Variants in TBC1D5 observed in about 807,000 individuals in gnomAD.
The protein encoded by TBC1D5 is TBC1 domain family, member 5.
In TBC1D5, 75 loss-of-function variants were observed where a neutral mutation model predicts 100.3. The observed-to-expected ratio is 0.75, with a 90% CI of 0.62 to 0.91. The LOEUF is 0.91. Among genes scored for constraint, TBC1D5 ranks in the 40% least tolerant of loss-of-function variants. The pLI, the probability that TBC1D5 is intolerant of heterozygous loss-of-function variation, is 0.00. For synonymous variants in TBC1D5, 323 were observed against 325.6 expected (o/e 0.99, Z 0.09); for missense variants, 910 against 942.4 (o/e 0.97, Z 0.45).
intron 1 of TBC1D5, among the ~76,000 whole-genome samples, chr3:17,668,601 T>C (rs978866488): frequency 4.6e-5 from 7 of 152,174 alleles, no homozygotes; most frequent in Non-Finnish European, 2.9e-5. Context: ...TTGATAAAGC[T>C]AGAAGGGAGG....
At chr3:17,679,907 G>A (rs1387671366) in intron 1 of TBC1D5, among the ~76,000 whole-genome samples, 1 of 151,256 alleles carries the variant, frequency 6.6e-6, no homozygotes, top group Non-Finnish European at 1.5e-5. Context: ...AGCATATCTG[G>A]TCCCCATCCA....
intron 3 of TBC1D5, among the ~76,000 whole-genome samples, chr3:17,430,984 C>A (rs1402733853): frequency 2.6e-5 from 4 of 151,954 alleles, no homozygotes; most frequent in Admixed American, 2.6e-4. Flanking sequence ...ATATCTGTAA[C>A]ACCAGAAAAC....
intron 17 of TBC1D5, among the ~76,000 whole-genome samples, chr3:17,229,358 T>C (rs1011112087): frequency 3.3e-5 from 5 of 151,942 alleles, no homozygotes; most frequent in African/African-American, 1.2e-4. Context: ...GTCACAAGAG[T>C]GAACAGACAC....
At chr3:17,274,134 A>C (rs1004705447) in intron 15 of TBC1D5, among the ~76,000 whole-genome samples, 1 of 152,220 alleles carries the variant, frequency 6.6e-6, no homozygotes, top group Admixed American at 6.5e-5. Context: ...GGTAAAAAAT[A>C]ATACGAACTT....
exon 17 of TBC1D5, chr3:17,238,259 T>C (rs1447884004): frequency 6.2e-7 from 1 of 1,614,086 alleles, no homozygotes; most frequent in East Asian, 2.2e-5. Context: ...GCTGAGGTCC[T>C]GGTAGGAATT....
At chr3:17,249,995 A>C (rs1442872167) in intron 16 of TBC1D5, among the ~76,000 whole-genome samples, 2 of 152,246 alleles carry the variant, frequency 1.3e-5, no homozygotes, top group Admixed American at 1.3e-4. Context: ...TGACAGAGAC[A>C]AAGTGAGCAC....
chr3:17,443,492 T>C (rs948065195), intron 3 of TBC1D5, among the ~76,000 whole-genome samples: 5 of 152,216 alleles, frequency 3.3e-5, no homozygotes, highest in African/African-American at 9.6e-5. Flanking sequence ...CCACTTTTGG[T>C]TTCCTTTTTC....
In TBC1D5 at chr3:17,469,446, T is replaced by C. The variant is rs191732913; in HGVS notation, c.97+39028A>G. 4.2e-3 allele frequency among the ~76,000 whole-genome samples: 638 copies of C among 152,276 alleles called. 12 individuals are homozygous for C. The highest frequency in any genetic ancestry group is 2.4e-3 in the Non-Finnish European group (164 of 68,002). ...GCCACTCATTCACATGTTCCACCAT[T>C]TACTTTATGAGGGCCGTCCAGCCTG... On this transcript the variant is annotated intron_variant, in intron 3 of 21. Coordinates refer to ENST00000253692, the Ensembl canonical transcript of TBC1D5.
chr3:17,192,889 G>A lies in TBC1D5; in HGVS notation c.1753-7681C>T, dbSNP rs145325038. ...TACCAGGGAACACTGGATTTGTCCC[G>A]ACAGGATGGGTTTTCATAACAATCA... On this transcript the variant is annotated intron_variant, in intron 18 of 21. Transcript: ENST00000253692. 9.1e-3 allele frequency among the ~76,000 whole-genome samples: 1,386 copies of A among 152,300 alleles called. 10 individuals are homozygous for A. Among genetic ancestry groups the A allele is most frequent in the Middle Eastern group, 0.034 (10 of 294 alleles).
chr3:17,179,198 G>A (rs1205659558), intron 19 of TBC1D5, among the ~76,000 whole-genome samples: 2 of 152,152 alleles, frequency 1.3e-5, no homozygotes, highest in Non-Finnish European at 1.5e-5. Flanking sequence ...AATAAAAAGC[G>A]TATTTAAAAT....
At chr3:17,227,162 G>C (rs2074980156) in intron 17 of TBC1D5, among the ~76,000 whole-genome samples, 1 of 152,130 alleles carries the variant, frequency 6.6e-6, no homozygotes, top group Non-Finnish European at 1.5e-5. Context: ...CGCAAAAGGG[G>C]GAGTGTCCAA....
chr3:17,450,141 C>T (rs920236911), intron 3 of TBC1D5, among the ~76,000 whole-genome samples: 1 of 152,112 alleles, frequency 6.6e-6, no homozygotes, highest in African/African-American at 2.4e-5. Context: ...AGAAGAGGGG[C>T]CTGACTGTTA....
chr3:17,451,796 G>A (rs752481893), intron 3 of TBC1D5, among the ~76,000 whole-genome samples: 18 of 152,224 alleles, frequency 1.2e-4, no homozygotes, highest in South Asian at 2.1e-4. Flanking sequence ...GGTGGTGGGC[G>A]CCTGTAATCC....
chr3:17,344,356 C>G (rs2089530520), intron 13 of TBC1D5, among the ~76,000 whole-genome samples: 2 of 152,150 alleles, frequency 1.3e-5, no homozygotes, highest in African/African-American at 4.8e-5. Context: ...ATCCCACTTA[C>G]AAGGGATGTG....
chr3:17,703,212 C>T (rs533375685), intron 1 of TBC1D5, among the ~76,000 whole-genome samples: 2 of 151,688 alleles, frequency 1.3e-5, no homozygotes, highest in African/African-American at 2.4e-5. Flanking sequence ...TTCCATAGTG[C>T]CTTCTGAGTT....
At chr3:17,375,670 G>C (rs910271265) in intron 10 of TBC1D5, among the ~76,000 whole-genome samples, 1 of 150,692 alleles carries the variant, frequency 6.6e-6, no homozygotes, top group African/African-American at 2.4e-5. Context: ...CTATTGTCAA[G>C]ATTAAAAAAA....
At chr3:17,496,075 C>G (rs987640901) in intron 3 of TBC1D5, among the ~76,000 whole-genome samples, 1 of 152,168 alleles carries the variant, frequency 6.6e-6, no homozygotes, top group African/African-American at 2.4e-5. Flanking sequence ...CACTTTACAG[C>G]TAACAGCTCT....
intron 13 of TBC1D5, among the ~76,000 whole-genome samples, chr3:17,353,315 T>G (rs1414822436): frequency 6.6e-6 from 1 of 152,100 alleles, no homozygotes; most frequent in Non-Finnish European, 1.5e-5. Context: ...GAGTCAGAAA[T>G]AGTAAACCTA....
intron 1 of TBC1D5, among the ~76,000 whole-genome samples, chr3:17,696,276 C>T (rs1011973632): frequency 6.6e-6 from 1 of 151,792 alleles, no homozygotes; most frequent in African/African-American, 2.4e-5. Flanking sequence ...AATAGAGACA[C>T]AAAAATCCCT....
Sources: allele counts gnomAD v4.1 joint callset (sites outside exome capture counted in the v4.1 genomes callset), GRCh38; gene constraint gnomAD v4.1.1; transcripts MANE v1.5; gene names NCBI Gene and HGNC (gene_info 2026-07-23, HGNC 2026-07-21).